Variants in ZC3H13 observed in about 807,000 individuals in gnomAD.
ZC3H13 encodes the protein zinc finger CCCH-type containing 13, also known as zinc finger CCCH domain-containing protein 13.
In ZC3H13, 64 loss-of-function variants were observed where a neutral mutation model predicts 204.1. That is an observed-to-expected ratio of 0.31 (90% CI 0.26 to 0.39). ZC3H13 has a LOEUF of 0.39. Among genes scored for constraint, ZC3H13 ranks in the 10% least tolerant of loss-of-function variants. ZC3H13 has a pLI of 1.00. For synonymous variants in ZC3H13, 667 were observed against 693.7 expected (o/e 0.96, Z 0.60); for missense variants, 1,833 against 2,082.7 (o/e 0.88, Z 2.33).
intron 18 of ZC3H13, among the ~76,000 whole-genome samples, chr13:45,958,593 T>C (rs1951435522): frequency 6.6e-6 from 1 of 151,562 alleles, no homozygotes. Context: ...GGATTAGGAA[T>C]ACTCAGTCTG....
chr13:46,003,234 T>A lies in ZC3H13; in HGVS notation c.849A>T (p.Lys283Asn), dbSNP rs577434678. ...DIALGKKYKE[K>N]YKVKDRIEEK... ...CTTCTATCCTGTCTTTTACTTTATA[T>A]TTTTCTTTGTATTTTTTCCCCAGAG... Residue 283 changes from lysine (K) to asparagine (N), a missense_variant, in exon 8 of 19, where the codon AAA becomes AAT. By Grantham distance (94) the Lys-to-Asn change is moderately conservative (BLOSUM62 0). Around this residue, in one of 5 missense-constraint regions of ZC3H13, gnomAD observed 1,574 missense variants for 1,757.2 expected, o/e 0.90. Coordinates refer to ENST00000679008, the MANE Select transcript of ZC3H13 (RefSeq NM_001330564.2). 3 of 1,613,418 alleles carry A rather than the reference T, an allele frequency of 1.9e-6. No individual in the cohort carries two copies. The South Asian group carries it at 3.3e-5, about 18-fold the overall frequency.
At chr13:45,991,972 C>T (rs1410163207) in intron 8 of ZC3H13, among the ~76,000 whole-genome samples, 4 of 152,158 alleles carry the variant, frequency 2.6e-5, no homozygotes, top group Non-Finnish European at 4.4e-5. Flanking sequence ...AGGTTTACCC[C>T]AGACTTACTT....
At chr13:46,012,787 A>C (rs2041653878) in intron 5 of ZC3H13, among the ~76,000 whole-genome samples, 1 of 152,226 alleles carries the variant, frequency 6.6e-6, no homozygotes, top group Admixed American at 6.5e-5. Flanking sequence ...TAATTAAGTG[A>C]ATACTAGCTA....
chr13:45,965,785 T>C (rs967127893), intron 15 of ZC3H13, among the ~76,000 whole-genome samples: 6 of 152,148 alleles, frequency 3.9e-5, no homozygotes, highest in Non-Finnish European at 4.4e-5. Context: ...CAAATCTAAC[T>C]TCAAAAGATT....
chr13:46,041,050 C>T (rs918951600), intron 4 of ZC3H13, among the ~76,000 whole-genome samples: 3 of 152,060 alleles, frequency 2.0e-5, no homozygotes, highest in Non-Finnish European at 2.9e-5. Flanking sequence ...ACACAGTTAC[C>T]GTAGAACTTG....
intron 10 of ZC3H13, among the ~76,000 whole-genome samples, chr13:45,984,464 AG>A (rs1953996029): frequency 6.6e-6 from 1 of 152,230 alleles, no homozygotes; most frequent in Non-Finnish European, 1.5e-5. Context: ...AATATTAATG[AG>A]AAATATTATA....
intron 11 of ZC3H13, 87 bp downstream of exon 11, chr13:45,979,726 T>C (rs1953381876): frequency 3.0e-6 from 4 of 1,317,328 alleles, no homozygotes; most frequent in African/African-American, 1.5e-5. Context: ...GTATATTTTA[T>C]ATTAAAAAGT....
chr13:45,966,772 G>C (rs1460210385), intron 15 of ZC3H13, among the ~76,000 whole-genome samples: 1 of 152,138 alleles, frequency 6.6e-6, no homozygotes, highest in Non-Finnish European at 1.5e-5. Flanking sequence ...GAGCAGAGAA[G>C]GCTTCATCGA....
At chr13:46,043,174 A>G (rs529970777) in intron 3 of ZC3H13, among the ~76,000 whole-genome samples, 2 of 151,996 alleles carry the variant, frequency 1.3e-5, no homozygotes, top group East Asian at 3.8e-4. Context: ...AAAGTACTAT[A>G]TATAAAAAAG....
chr13:45,973,871 G>C (rs1377433834), intron 12 of ZC3H13, among the ~76,000 whole-genome samples: 1 of 152,190 alleles, frequency 6.6e-6, no homozygotes. Context: ...AAAATGTAAG[G>C]AGAGGGAAGC....
At chr13:45,958,660 T>G (rs1158181805) in intron 18 of ZC3H13, among the ~76,000 whole-genome samples, 2 of 148,410 alleles carry the variant, frequency 1.3e-5, no homozygotes, top group Non-Finnish European at 1.5e-5. Context: ...TTTTTTTTTT[T>G]TTTTTTTTTT....
intron 4 of ZC3H13, among the ~76,000 whole-genome samples, chr13:46,040,422 A>T (rs1171355198): frequency 2.0e-5 from 3 of 152,140 alleles, no homozygotes; most frequent in African/African-American, 7.2e-5. Flanking sequence ...CCTTTACCAC[A>T]TCATAAATAA....
At chr13:45,985,850 TTTA>T (rs1218543020) in intron 9 of ZC3H13, 89 bp from the exon 10 acceptor site, 1 of 1,192,786 alleles carries the variant, frequency 8.4e-7, no homozygotes, top group African/African-American at 1.5e-5. Context: ...CTTTAAAAAT[TTTA>T]TTATAATGAC....
chr13:46,040,110 G>T (rs1566352362), intron 4 of ZC3H13, among the ~76,000 whole-genome samples: 2 of 152,040 alleles, frequency 1.3e-5, no homozygotes, highest in African/African-American at 4.8e-5. Context: ...TCCCTCAAAA[G>T]GAATGTTGAT....
At chr13:46,018,939 C>G (rs535168000) in intron 5 of ZC3H13, among the ~76,000 whole-genome samples, 2 of 152,164 alleles carry the variant, frequency 1.3e-5, no homozygotes, top group South Asian at 2.1e-4. Flanking sequence ...CAAACTTGAA[C>G]AGTTATGGTT....
chr13:46,006,711 G>T (rs1426825533), intron 7 of ZC3H13, among the ~76,000 whole-genome samples: 3 of 23,924 alleles, frequency 1.3e-4, no homozygotes, highest in African/African-American at 2.9e-4. Context: ...AGAGTTCTTA[G>T]CCATATATAT....
At position 45,988,903 on chromosome 13, in the gene ZC3H13, G is replaced by A. The variant is rs776281684; in HGVS notation, c.1139C>T (p.Ser380Leu). 8.7e-6 allele frequency: 14 copies of A among 1,614,150 alleles called. No homozygotes were observed. Among genetic ancestry groups the A allele is most frequent in the Admixed American group, 1.7e-5 (1 of 60,018 alleles). ...AGGACTCTGCTTTCTCTGGGGAGAC[G>A]ACAAAGAATGTGAAGGATAAGGAGA... ...SASPYPSHSL[S>L]SPQRKQSPPR... Residue 380 changes from serine to leucine, a missense_variant, in exon 9 of 19, where the codon TCG becomes TTG. Ser to Leu is a moderately radical substitution (Grantham distance 145, BLOSUM62 -2). Around this residue, in one of 5 missense-constraint regions of ZC3H13, gnomAD observed 1,574 missense variants for 1,757.2 expected, o/e 0.90. Coordinates refer to ENST00000679008, the MANE Select transcript of ZC3H13 (RefSeq NM_001330564.2).
At chr13:46,023,287 T>C (rs1012282354) in intron 4 of ZC3H13, among the ~76,000 whole-genome samples, 1 of 152,160 alleles carries the variant, frequency 6.6e-6, no homozygotes, top group Admixed American at 6.5e-5. Flanking sequence ...CACCCTTTCT[T>C]CCCATTTCCA....
At chr13:46,020,994 A>G (rs2042188016) in intron 4 of ZC3H13, among the ~76,000 whole-genome samples, 1 of 152,022 alleles carries the variant, frequency 6.6e-6, no homozygotes, top group South Asian at 2.1e-4. Context: ...AAGGATTTGT[A>G]AGTGATTATA....
Sources: allele counts gnomAD v4.1 joint callset (sites outside exome capture counted in the v4.1 genomes callset), GRCh38; gene constraint gnomAD v4.1.1; regional missense constraint gnomAD v4.1.1; transcripts MANE v1.5; gene names NCBI Gene and HGNC (gene_info 2026-07-23, HGNC 2026-07-21).